Variants in PAM observed in about 807,000 individuals in gnomAD.
The protein encoded by PAM is peptidylglycine alpha-amidating monooxygenase.
In PAM, 72 loss-of-function variants were observed where a neutral mutation model predicts 122.1. That is an observed-to-expected ratio of 0.59 (90% CI 0.49 to 0.72). The LOEUF is 0.72. PAM is among the 30% of genes least tolerant of loss of function. The pLI is 0.00. For missense variants in PAM, 1,106 were observed against 1,183.7 expected, an observed-to-expected ratio of 0.93 and a Z score of 0.96; for synonymous variants, 389 against 404.4, an observed-to-expected ratio of 0.96 and a Z score of 0.46.
chr5:102,904,425 G>A (rs530655056), intron 4 of PAM, among the ~76,000 whole-genome samples: 25 of 151,526 alleles, frequency 1.6e-4, no homozygotes, highest in African/African-American at 5.1e-4. Flanking sequence ...CTGAATGCGC[G>A]AGTGAATACT....
intron 1 of PAM, among the ~76,000 whole-genome samples, chr5:102,771,148 G>A (rs1315430179): frequency 6.6e-6 from 1 of 152,062 alleles, no homozygotes; most frequent in East Asian, 1.9e-4. Context: ...ACTCCTATTG[G>A]CCATTTTAGA....
Position 103,006,813 on chromosome 5 carries a change from G to A in PAM, c.1816G>A (p.Asp606Asn), listed in dbSNP as rs1260216447. The A allele has an allele frequency of 6.2e-7, 1 of 1,612,560 alleles. No individual in the cohort carries two copies. The highest frequency in any genetic ancestry group is 1.1e-5 in the South Asian group (1 of 90,918). ...CCTTTTTAAAAAGGTGTTCAAACTGGATCCAAACAATAAAGAAGGCCCTGT... is the reference window on the plus strand; with the variant it reads ...CCTTTTTAAAAAGGTGTTCAAACTGAATCCAAACAATAAAGAAGGCCCTGT... Reference protein sequence around the residue: ...DVALHQVFKLDPNNKEGPVLI... With the variant: ...DVALHQVFKLNPNNKEGPVLI... The change falls in exon 19 of 26, where the codon GAT becomes AAT. Residue 606 changes from aspartate (D) to asparagine (N), a missense_variant. Physicochemically the swap from Asp to Asn is conservative, Grantham distance 23 (BLOSUM62 1). This residue lies in a region of PAM where 103 missense variants were observed against 157.9 expected (regional missense o/e 0.65). Transcript: ENST00000438793.
chr5:102,882,179 C>T (rs915352882), intron 3 of PAM, among the ~76,000 whole-genome samples: 3 of 140,434 alleles, frequency 2.1e-5, no homozygotes, highest in East Asian at 2.2e-4. Context: ...TTTGCAATTG[C>T]GAAGTGTTCA....
intron 1 of PAM, among the ~76,000 whole-genome samples, chr5:102,793,782 T>C (rs553749681): frequency 2.6e-4 from 39 of 152,356 alleles, no homozygotes; most frequent in Non-Finnish European, 5.1e-4. Flanking sequence ...ATCCTAAGTT[T>C]ATATACACAA....
At chr5:102,904,031 T>C (rs184657753) in intron 4 of PAM, among the ~76,000 whole-genome samples, 66 of 151,700 alleles carry the variant, frequency 4.4e-4, no homozygotes, top group Non-Finnish European at 6.9e-4. Flanking sequence ...TGGATAGTTA[T>C]ATGTTGGGAG....
At chr5:102,997,330 G>C (rs1217426389) in intron 16 of PAM, among the ~76,000 whole-genome samples, 1 of 151,966 alleles carries the variant, frequency 6.6e-6, no homozygotes, top group African/African-American at 2.4e-5. Flanking sequence ...GATCAGCCTG[G>C]TCAATATAGG....
chr5:103,007,192 T>C lies in PAM; in HGVS notation c.2014+181T>C, dbSNP rs4293887. Among the ~76,000 whole-genome samples the C allele has an allele frequency of 1.6e-3, 221 of 141,536 alleles. 1 individual carries two copies. The highest frequency in any genetic ancestry group is 4.3e-3 in the African/African-American group (167 of 38,718). 92.9% of individuals were successfully genotyped at this position (141,536 alleles called of 152,430 possible). On this transcript the variant is annotated intron_variant, in intron 19 of 25. Coordinates refer to ENST00000438793, the MANE Select transcript of PAM (RefSeq NM_001177306.2). ...ACACACACACACACACACATATACA[T>C]ACACACACACACACACACACACACA...
intron 3 of PAM, among the ~76,000 whole-genome samples, chr5:102,886,834 T>C (rs1277251617): frequency 6.6e-6 from 1 of 152,090 alleles, no homozygotes; most frequent in East Asian, 1.9e-4. Flanking sequence ...AAAGATATTG[T>C]TTGCACAGTA....
chr5:102,880,170 A>C (rs1259381579), intron 3 of PAM, among the ~76,000 whole-genome samples: 1 of 152,078 alleles, frequency 6.6e-6, no homozygotes, highest in Non-Finnish European at 1.5e-5. Context: ...TTTCCCAGCT[A>C]CTTGGGAGGC....
At chr5:102,983,570 A>G (rs1444437265) in intron 15 of PAM, among the ~76,000 whole-genome samples, 2 of 152,092 alleles carry the variant, frequency 1.3e-5, no homozygotes, top group African/African-American at 4.8e-5. Context: ...TTATTGTTCT[A>G]TATTGTTCTA....
intron 7 of PAM, among the ~76,000 whole-genome samples, chr5:102,945,522 C>T (rs888524028): frequency 1.3e-5 from 2 of 151,192 alleles, no homozygotes; most frequent in Admixed American, 6.6e-5. Context: ...TCTGCCTTTC[C>T]TTCAAATTCA....
At chr5:103,011,636 TACC>T (rs1230549682) in intron 21 of PAM, among the ~76,000 whole-genome samples, 4 of 152,230 alleles carry the variant, frequency 2.6e-5, no homozygotes, top group Non-Finnish European at 5.9e-5. Flanking sequence ...TGTGTATATG[TACC>T]ACATTTTCTT....
intron 7 of PAM, among the ~76,000 whole-genome samples, chr5:102,938,499 G>T (rs1165937963): frequency 6.6e-6 from 1 of 151,404 alleles, no homozygotes; most frequent in African/African-American, 2.4e-5. Flanking sequence ...GTCTTTTTTG[G>T]GAAAAGAAAA....
upstream of PAM, chr5:102,754,881 C>G (rs1749666710): frequency 1.3e-5 from 2 of 152,334 alleles, no homozygotes; most frequent in African/African-American, 4.8e-5. Flanking sequence ...TCAGGCCGGG[C>G]CTTCACTCCC....
chr5:102,847,982 T>C (rs1284899756), intron 1 of PAM, among the ~76,000 whole-genome samples: 4 of 152,210 alleles, frequency 2.6e-5, no homozygotes, highest in African/African-American at 9.6e-5. Flanking sequence ...AGGATTCTGT[T>C]CCAAGTAGCC....
intron 24 of PAM, among the ~76,000 whole-genome samples, chr5:103,027,107 G>T (rs1423918203): frequency 6.6e-6 from 1 of 152,032 alleles, no homozygotes; most frequent in Non-Finnish European, 1.5e-5. Context: ...TTCTGAATTT[G>T]TTCTTGATAG....
In PAM at chr5:102,867,289, A is replaced by G. The variant is rs1428739936; in HGVS notation, c.106A>G (p.Arg36Gly). ...SVFKRFKETT[R>G]PFSNECLGTT... The stretch of plus-strand genomic sequence containing the variant: ...TTTTTTAAGGTTTAAAGAAACTACC[A>G]GACCATTTTCCAATGAATGTCTTGG... Residue 36 changes from arginine to glycine, a missense_variant, in exon 3 of 26, where the codon AGA becomes GGA. By Grantham distance (125) the Arg-to-Gly change is moderately radical. Transcript: ENST00000438793. 6.2e-7 allele frequency: 1 copy of G among 1,603,790 alleles called. No homozygotes were observed. Among genetic ancestry groups the G allele is most frequent in the South Asian group, 1.1e-5 (1 of 90,800 alleles).
chr5:102,953,431 T>A (rs1267243263), intron 12 of PAM, among the ~76,000 whole-genome samples: 1 of 152,168 alleles, frequency 6.6e-6, no homozygotes, highest in Non-Finnish European at 1.5e-5. Flanking sequence ...ATCTGAAGGA[T>A]GTATTAAGTG....
At chr5:102,944,604 G>C (rs1477536162) in intron 7 of PAM, among the ~76,000 whole-genome samples, 1 of 151,986 alleles carries the variant, frequency 6.6e-6, no homozygotes, top group Non-Finnish European at 1.5e-5. Flanking sequence ...CCGTCGAACT[G>C]ACTTCAAGCC....
Sources: gnomAD v4.1 joint callset for allele counts (sites outside exome capture counted in the v4.1 genomes callset) on GRCh38, gnomAD v4.1.1 for gene constraint, gnomAD v4.1.1 regional missense constraint, MANE v1.5 for transcripts, NCBI Gene and HGNC (gene_info 2026-07-23, HGNC 2026-07-21) for gene names.